Variants in CAPZA2 observed in about 807,000 individuals in gnomAD.
CAPZA2 encodes capping actin protein of muscle Z-line subunit alpha 2.
CAPZA2 carries 13 observed loss-of-function variants against 44.0 expected under a neutral mutation model. The observed-to-expected ratio is 0.30, with a 90% confidence interval of 0.19 to 0.47. The LOEUF (loss-of-function observed/expected upper bound fraction) is 0.47. Among genes scored for constraint, CAPZA2 ranks in the 20% least tolerant of loss-of-function variants. The pLI is 1.00. For missense variants in CAPZA2, 244 were observed against 338.6 expected, an observed-to-expected ratio of 0.72 and a Z score of 2.19; for synonymous variants, 94 against 108.2, an observed-to-expected ratio of 0.87 and a Z score of 0.81.
rs141210108 is a variant in CAPZA2, at chr7:116,892,377, C to T, written c.104-617C>T. ...ATTTGGTTTTTTGATGAGAGCCGTA[C>T]GTGACTTTTTTCTTTTATGTTTTAC... On this transcript the variant is annotated intron_variant, in intron 2 of 9. Transcript: ENST00000361183. Among the ~76,000 whole-genome samples, 45 of 152,132 alleles carry T rather than the reference C, an allele frequency of 3.0e-4. No homozygotes were observed. In the East Asian group the frequency reaches 4.6e-3, roughly 16 times the overall value.
chr7:116,868,593 G>T (rs1409065483), intron 1 of CAPZA2, among the ~76,000 whole-genome samples: 1 of 152,120 alleles, frequency 6.6e-6, no homozygotes, highest in Non-Finnish European at 1.5e-5. Context: ...AATTAGCTGG[G>T]CGTGGTGTCG....
intron 1 of CAPZA2, among the ~76,000 whole-genome samples, chr7:116,865,989 A>G (rs895751268): frequency 6.6e-6 from 1 of 152,314 alleles, no homozygotes; most frequent in Non-Finnish European, 1.5e-5. Context: ...TATGTTACTG[A>G]TAGGAAGCAT....
intron 9 of CAPZA2, among the ~76,000 whole-genome samples, 169 bp downstream of exon 9, chr7:116,916,291 T>C (rs528604869): frequency 6.6e-6 from 1 of 152,202 alleles, no homozygotes; most frequent in African/African-American, 2.4e-5. Flanking sequence ...GCAAAAAGAG[T>C]GGCAAGTAAA....
chr7:116,870,630 C>T (rs1422778202), intron 1 of CAPZA2, among the ~76,000 whole-genome samples: 1 of 152,148 alleles, frequency 6.6e-6, no homozygotes, highest in Non-Finnish European at 1.5e-5. Flanking sequence ...CAGAATGTCT[C>T]CTGGTGGACA....
At chr7:116,917,396 A>G (rs1360274701) in intron 9 of CAPZA2, among the ~76,000 whole-genome samples, 4 of 152,140 alleles carry the variant, frequency 2.6e-5, no homozygotes, top group Non-Finnish European at 5.9e-5. Context: ...CCGGGACTAC[A>G]GACGCCCGCC....
chr7:116,868,558 C>T (rs1796510621), intron 1 of CAPZA2, among the ~76,000 whole-genome samples: 1 of 152,084 alleles, frequency 6.6e-6, no homozygotes, highest in Admixed American at 6.6e-5. Flanking sequence ...CATGGTGAAA[C>T]CCTGTCTGTA....
rs1159101707 is a variant in CAPZA2, at chr7:116,890,509, T to TAAAAAAA, written c.103+2330_103+2336dup. On this transcript the variant is annotated intron_variant, in intron 2 of 9. Coordinates refer to ENST00000361183, the MANE Select transcript of CAPZA2 (RefSeq NM_006136.3). ...AACATGGTGAAACCCTGTCTCTACT[T>TAAAAAAA]AAAAAAAAAAAAAAAAATATATATA... 3.8e-4 allele frequency among the ~76,000 whole-genome samples: 11 copies of TAAAAAAA among 29,226 alleles called. 2 individuals are homozygous for TAAAAAAA. The highest frequency in any genetic ancestry group is 5.3e-4 in the Admixed American group (1 of 1,884). 19.2% of individuals were successfully genotyped at this position (29,226 alleles called of 152,430 possible).
chr7:116,908,084 C>A (rs1681505300), intron 6 of CAPZA2, among the ~76,000 whole-genome samples: 1 of 149,458 alleles, frequency 6.7e-6, no homozygotes, highest in South Asian at 2.2e-4. Flanking sequence ...CATAGTACGA[C>A]CCCATCTCTA....
In CAPZA2 at chr7:116,899,543, C is replaced by G. The variant is rs551123789; in HGVS notation, c.219+708C>G. ...AAGCAAAGACTAGGCTAGAAGGTGA[C>G]TTGTAACTGAAGGGAAATTTTAAGC... On this transcript the variant is annotated intron_variant, in intron 4 of 9. Coordinates refer to ENST00000361183, the MANE Select transcript of CAPZA2 (RefSeq NM_006136.3). Among the ~76,000 whole-genome samples, 12 of 151,376 alleles carry G rather than the reference C, an allele frequency of 7.9e-5. No individual in the cohort carries two copies. The South Asian group carries it at 2.5e-3, about 31-fold the overall frequency.
At chr7:116,880,496 C>G (rs544104365) in intron 1 of CAPZA2, among the ~76,000 whole-genome samples, 1 of 151,662 alleles carries the variant, frequency 6.6e-6, no homozygotes, top group African/African-American at 2.4e-5. Flanking sequence ...CTCCCGGATT[C>G]AAGCAATTCT....
At chr7:116,876,513 ATC>A (rs1486510039) in intron 1 of CAPZA2, 1 of 152,210 alleles carries the variant, frequency 6.6e-6, no homozygotes, top group Non-Finnish European at 1.5e-5. Flanking sequence ...TCTGTGGAGA[ATC>A]TCATGTTCTC....
In CAPZA2 at chr7:116,920,754, C is replaced by T. The variant is rs1791759786; in HGVS notation, c.*2887C>T. ...ATGGGAAAGTGCATGAACCTGGAAA[C>T]AATTTTATAGGCAGACAGGATGAAG... On this transcript the variant is annotated 3_prime_UTR_variant, in exon 10 of 10. Coordinates refer to ENST00000361183, the MANE Select transcript of CAPZA2 (RefSeq NM_006136.3). 2 of 152,418 alleles carry T rather than the reference C, an allele frequency of 1.3e-5. No individual in the cohort carries two copies. Among genetic ancestry groups the T allele is most frequent in the East Asian group, 1.9e-4 (1 of 5,192 alleles). The allele number at this position is 152,418 out of a possible 1,614,324, so 9.4% of individuals were successfully genotyped here.
At chr7:116,890,528 ATAT>A (rs1562959898) in intron 2 of CAPZA2, among the ~76,000 whole-genome samples, 16 of 6,666 alleles carry the variant, frequency 2.4e-3, no homozygotes, top group Admixed American at 5.7e-3. Context: ...AAAAAAAAAT[ATAT>A]ATATATATAT....
At chr7:116,888,101 C>T (rs1418306678) in intron 1 of CAPZA2, 26 bp from the exon 2 acceptor site, 1 of 1,549,456 alleles carries the variant, frequency 6.5e-7, no homozygotes, top group Non-Finnish European at 8.9e-7. Flanking sequence ...TGATATGGAA[C>T]ATTTATATCT....
intron 8 of CAPZA2, among the ~76,000 whole-genome samples, chr7:116,912,803 T>G (rs1201191835): frequency 2.6e-5 from 4 of 152,236 alleles, no homozygotes; most frequent in Non-Finnish European, 1.5e-5. Context: ...CTTTTTAAAT[T>G]TATTTTTGGT....
At chr7:116,902,068 A>G (rs1319671706) in intron 4 of CAPZA2, among the ~76,000 whole-genome samples, 1 of 152,130 alleles carries the variant, frequency 6.6e-6, no homozygotes. Context: ...AGCAGCATGG[A>G]GAACCAGAAT....
chr7:116,906,113 T>G (rs944104384), intron 5 of CAPZA2, 150 bp from the exon 6 acceptor site: 1 of 1,174,820 alleles, frequency 8.5e-7, no homozygotes, highest in South Asian at 2.0e-5. Context: ...GAACATGTTT[T>G]TCTAGCTACT....
chr7:116,896,397 A>G (rs1424522096), intron 3 of CAPZA2, among the ~76,000 whole-genome samples: 1 of 152,178 alleles, frequency 6.6e-6, no homozygotes, highest in Non-Finnish European at 1.5e-5. Context: ...GATGAGATAA[A>G]TAAGCCTTTT....
chr7:116,884,902 A>G (rs1796742740), intron 1 of CAPZA2, among the ~76,000 whole-genome samples: 1 of 152,174 alleles, frequency 6.6e-6, no homozygotes, highest in Admixed American at 6.5e-5. Context: ...CATCCTCACC[A>G]GCACTGGGTG....
Sources: allele counts gnomAD v4.1 joint callset (sites outside exome capture counted in the v4.1 genomes callset), GRCh38; gene constraint gnomAD v4.1.1; transcripts MANE v1.5; gene names NCBI Gene and HGNC (gene_info 2026-07-23, HGNC 2026-07-21).